TNFRSF10D: variants seen among roughly 807,000 people sequenced by gnomAD.
TNFRSF10D encodes the protein TNF receptor superfamily member 10d.
TNFRSF10D carries 28 observed loss-of-function variants against 42.1 expected under a neutral mutation model. That is an observed-to-expected ratio of 0.66 (90% CI 0.49 to 0.91). The LOEUF (loss-of-function observed/expected upper bound fraction) is 0.91, where lower values mean the gene tolerates loss of function less well. TNFRSF10D is among the 40% of genes least tolerant of loss of function. The pLI is 0.00. For missense variants in TNFRSF10D, 503 were observed against 486.1 expected (o/e 1.03, Z -0.33); for synonymous variants, 186 against 189.4 (o/e 0.98, Z 0.15).
chr8:23,153,084 A>G (rs1800230010), intron 2 of TNFRSF10D, among the ~76,000 whole-genome samples: 1 of 152,220 alleles, frequency 6.6e-6, no homozygotes, highest in Non-Finnish European at 1.5e-5. Flanking sequence ...TTTACAGTCA[A>G]CTGATTGTGA....
In TNFRSF10D at chr8:23,158,533, T is replaced by C. The variant is rs542927399; in HGVS notation, c.151-3554A>G. On this transcript the variant is annotated intron_variant, in intron 1 of 8. Transcript: ENST00000312584. ...CTTCCAAACATTTCTACCATTGAAC[T>C]GTAGTGCTCAGTGGATTTACAGGGA... 6.8e-4 allele frequency among the ~76,000 whole-genome samples: 104 copies of C among 152,370 alleles called. 4 individuals are homozygous for C. In the South Asian group the frequency reaches 0.021, roughly 31 times the overall value.
At chr8:23,162,481 G>T (rs947139521) in intron 1 of TNFRSF10D, among the ~76,000 whole-genome samples, 11 of 152,040 alleles carry the variant, frequency 7.2e-5, no homozygotes, top group African/African-American at 2.2e-4. Flanking sequence ...GACTCTCATG[G>T]TTCATGTAAT....
chr8:23,163,779 G>A lies in TNFRSF10D; in HGVS notation c.150+7C>T. 1 of 1,608,364 alleles carries A rather than the reference G, an allele frequency of 6.2e-7. No individual in the cohort carries two copies. Among genetic ancestry groups the A allele is most frequent in the Non-Finnish European group, 8.5e-7 (1 of 1,178,226 alleles). The stretch of plus-strand genomic sequence containing the variant: ...TTCCCCAGCCAGGGACCGCGGCGGA[G>A]ACTCACCGGCAGCAGAACCGCGACG... On this transcript the variant is annotated splice_region_variant and intron_variant, in intron 1 of 8. Transcript: ENST00000312584.
At position 23,145,828 on chromosome 8, in the gene TNFRSF10D, G is replaced by A. The variant is rs368372114; in HGVS notation, c.576C>T (p.Thr192=). The change falls in exon 5 of 9, where the codon ACC becomes ACT. Residue 192 remains threonine (T), a synonymous_variant. Coordinates refer to ENST00000312584, the MANE Select transcript of TNFRSF10D (RefSeq NM_003840.5). ...NESAASSTGK[T]PAAEETVTTI... ...TGGTCACTGTCTCCTCCGCTGCTGG[G>A]GTTTTCCCAGTGGAACTGGCAGCTG... 1.2e-5 allele frequency: 19 copies of A among 1,614,052 alleles called. No individual in the cohort carries two copies. Among genetic ancestry groups the A allele is most frequent in the Non-Finnish European group, 1.6e-5 (19 of 1,180,026 alleles).
chr8:23,143,050 C>T (rs1048092558), intron 7 of TNFRSF10D, among the ~76,000 whole-genome samples: 1 of 150,692 alleles, frequency 6.6e-6, no homozygotes, highest in Non-Finnish European at 1.5e-5. Flanking sequence ...GATCTCGGCT[C>T]ACTGCAGGCT....
chr8:23,152,674 T>C (rs1179562577), intron 2 of TNFRSF10D, among the ~76,000 whole-genome samples: 1 of 152,080 alleles, frequency 6.6e-6, no homozygotes, highest in Non-Finnish European at 1.5e-5. Flanking sequence ...GTGACAGAGG[T>C]GGAAGATGTG....
chr8:23,144,044 G>A (rs1800071773), intron 7 of TNFRSF10D, among the ~76,000 whole-genome samples: 1 of 152,158 alleles, frequency 6.6e-6, no homozygotes, highest in Admixed American at 6.5e-5. Context: ...TCAGAAATCT[G>A]GACAAAGATT....
At chr8:23,155,379 T>C (rs1800262181) in intron 1 of TNFRSF10D, among the ~76,000 whole-genome samples, 1 of 151,818 alleles carries the variant, frequency 6.6e-6, no homozygotes, top group Non-Finnish European at 1.5e-5. Context: ...CCCAAGCAAG[T>C]TGGGTAACAG....
intron 4 of TNFRSF10D, among the ~76,000 whole-genome samples, chr8:23,146,218 GC>G (rs1800117945): frequency 3.9e-5 from 6 of 152,184 alleles, no homozygotes; most frequent in Admixed American, 3.9e-4. Context: ...GTTAGGAGGA[GC>G]CGCACTCCAG....
chr8:23,140,055 C>T (rs1424635007), intron 7 of TNFRSF10D, among the ~76,000 whole-genome samples: 6 of 152,082 alleles, frequency 3.9e-5, no homozygotes, highest in Non-Finnish European at 5.9e-5. Flanking sequence ...TTTGGGAGGC[C>T]AAGGAGGGCG....
rs907028210 is a variant in TNFRSF10D at position 23,137,009 on chromosome 8, C to G, written c.*861G>C. ...GTCATTTTTGACTGCTGATTTGTAT[C>G]CAGGCAACCCATGTAAACAGCCTAA... On this transcript the variant is annotated 3_prime_UTR_variant, in exon 9 of 9. Transcript: ENST00000312584. The G allele has an allele frequency of 6.6e-6, 1 of 152,000 alleles. No homozygotes were observed. Among genetic ancestry groups the G allele is most frequent in the East Asian group, 1.9e-4 (1 of 5,190 alleles). The allele number at this position is 152,000 out of a possible 1,614,324, so 9.4% of individuals were successfully genotyped here.
At chr8:23,148,058 C>G (rs1484463809) in intron 3 of TNFRSF10D, among the ~76,000 whole-genome samples, 7 of 125,606 alleles carry the variant, frequency 5.6e-5, no homozygotes, top group African/African-American at 2.3e-4. Context: ...GAACGAGACT[C>G]CGTCTCCCAA....
intron 4 of TNFRSF10D, among the ~76,000 whole-genome samples, 190 bp from the exon 5 acceptor site, chr8:23,146,111 C>T (rs1004648286): frequency 1.3e-5 from 2 of 152,342 alleles, no homozygotes; most frequent in African/African-American, 4.8e-5. Context: ...CACACTTCAG[C>T]CCCTCGGCCT....
At chr8:23,155,722 AAAC>A (rs1800268761) in intron 1 of TNFRSF10D, among the ~76,000 whole-genome samples, 1 of 151,910 alleles carries the variant, frequency 6.6e-6, no homozygotes. Flanking sequence ...AAAAAACAAA[AAAC>A]AAAAAAACCA....
Position 23,153,386 on chromosome 8 carries a change from A to T in TNFRSF10D, c.256+1488T>A, listed in dbSNP as rs1800233637. 2.0e-5 allele frequency among the ~76,000 whole-genome samples: 3 copies of T among 152,230 alleles called. No homozygotes were observed. In the South Asian group the frequency reaches 6.2e-4, roughly 31 times the overall value. On this transcript the variant is annotated intron_variant, in intron 2 of 8. Transcript: ENST00000312584. ...TAGACAGATGAGATTATATCAGACTAGAAAGGTTTTGCACAACAAAGGAAA... is the reference window on the plus strand; with the variant it reads ...TAGACAGATGAGATTATATCAGACTTGAAAGGTTTTGCACAACAAAGGAAA...
intron 1 of TNFRSF10D, among the ~76,000 whole-genome samples, chr8:23,158,393 A>G (rs1563363051): frequency 6.6e-6 from 1 of 151,954 alleles, no homozygotes; most frequent in Non-Finnish European, 1.5e-5. Flanking sequence ...TTGGCCTTAC[A>G]CTCTGCGTGG....
At chr8:23,140,591 A>C (rs79461528) in intron 7 of TNFRSF10D, among the ~76,000 whole-genome samples, 910 of 152,210 alleles carry the variant, frequency 6.0e-3, no homozygotes, top group African/African-American at 0.019. Context: ...CTACAGATTT[A>C]ATACTACTCC....
At chr8:23,158,260 CGAAGAGCTGAAGGTGCTGTGGA>C (rs1800307980) in intron 1 of TNFRSF10D, among the ~76,000 whole-genome samples, 1 of 152,160 alleles carries the variant, frequency 6.6e-6, no homozygotes, top group Non-Finnish European at 1.5e-5. Flanking sequence ...TCTCAGGAGG[CGAAGAGCTGAAGGTGCTGTGGA>C]CCCATACGGA....
At position 23,145,086 on chromosome 8, in the gene TNFRSF10D, C is replaced by G; in HGVS notation, c.740G>C (p.Gly247Ala). ...ISYLKGICSGGGGGPERVHRV... is the reference protein window; with the variant it reads ...ISYLKGICSGAGGGPERVHRV... Reference sequence around the variant, plus strand: ...GTGCACACGTTCGGGACCTCCTCCACCACCTGGAAAAGAAGCAGTCTCCTG... The same window carrying G: ...GTGCACACGTTCGGGACCTCCTCCAGCACCTGGAAAAGAAGCAGTCTCCTG... Residue 247 changes from glycine (G) to alanine (A), a missense_variant, in exon 6 of 9, where the codon GGT becomes GCT. Gly to Ala is a moderately conservative substitution (Grantham distance 60). Coordinates refer to ENST00000312584, the MANE Select transcript of TNFRSF10D (RefSeq NM_003840.5). 6.2e-7 allele frequency: 1 copy of G among 1,614,128 alleles called. No individual in the cohort carries two copies. The highest frequency in any genetic ancestry group is 8.5e-7 in the Non-Finnish European group (1 of 1,180,016).
Sources: allele counts gnomAD v4.1 joint callset (sites outside exome capture counted in the v4.1 genomes callset), GRCh38; gene constraint gnomAD v4.1.1; transcripts MANE v1.5; gene names NCBI Gene and HGNC (gene_info 2026-07-23, HGNC 2026-07-21).